Variants in SGCZ observed in about 807,000 individuals in gnomAD.
The protein encoded by SGCZ is zeta-sarcoglycan.
SGCZ carries 40 observed loss-of-function variants against 41.3 expected under a neutral mutation model. The ratio of observed to expected loss-of-function variants is 0.97; its 90% CI spans 0.75 to 1.26. SGCZ has a LOEUF of 1.26. Ranked by LOEUF, SGCZ falls within the 50% of genes most tolerant of loss-of-function variation. The pLI is 0.00. For synonymous variants in SGCZ, 206 were observed against 137.5 expected, an observed-to-expected ratio of 1.50 and a Z score of -3.49; for missense variants, 552 against 369.8, an observed-to-expected ratio of 1.49 and a Z score of -4.04.
At chr8:14,664,247 C>G (rs1382857232) in intron 1 of SGCZ, among the ~76,000 whole-genome samples, 3 of 152,092 alleles carry the variant, frequency 2.0e-5, no homozygotes, top group Non-Finnish European at 4.4e-5. Flanking sequence ...AAGGCTGACT[C>G]AATGACTGAA....
intron 1 of SGCZ, among the ~76,000 whole-genome samples, chr8:14,943,636 A>T (rs547830844): frequency 1.6e-4 from 24 of 152,262 alleles, no homozygotes; most frequent in Admixed American, 2.6e-4. Flanking sequence ...ACTGTGTGTC[A>T]TGGGGGTTTG....
chr8:14,491,516 T>C (rs1218515224), intron 2 of SGCZ, among the ~76,000 whole-genome samples: 1 of 152,194 alleles, frequency 6.6e-6, no homozygotes, highest in Non-Finnish European at 1.5e-5. Context: ...AGAATTTATG[T>C]ACTTTCCAAT....
chr8:14,114,814 T>C (rs916026745), intron 5 of SGCZ, among the ~76,000 whole-genome samples: 7 of 152,022 alleles, frequency 4.6e-5, no homozygotes, highest in Admixed American at 2.6e-4. Flanking sequence ...CAAGAAGTTA[T>C]GTTTTACTAG....
At chr8:14,106,676 A>G (rs1183431680) in intron 6 of SGCZ, among the ~76,000 whole-genome samples, 1 of 152,162 alleles carries the variant, frequency 6.6e-6, no homozygotes, top group African/African-American at 2.4e-5. Flanking sequence ...CTAAACAGCA[A>G]TCCTTATGAA....
chr8:14,376,586 A>C (rs1804139761), intron 2 of SGCZ, among the ~76,000 whole-genome samples: 2 of 152,098 alleles, frequency 1.3e-5, no homozygotes, highest in African/African-American at 4.8e-5. Context: ...GACTCTACCC[A>C]ACCTTCAAAA....
At chr8:14,703,055 TC>T (rs940724712) in intron 1 of SGCZ, among the ~76,000 whole-genome samples, 1 of 151,946 alleles carries the variant, frequency 6.6e-6, no homozygotes, top group African/African-American at 2.4e-5. Flanking sequence ...TCCATTATTT[TC>T]CCTCTGGACT....
intron 1 of SGCZ, among the ~76,000 whole-genome samples, chr8:15,096,131 G>A (rs1397829240): frequency 6.6e-6 from 1 of 152,056 alleles, no homozygotes; most frequent in Non-Finnish European, 1.5e-5. Context: ...AGGCTGGAGT[G>A]CAATGATGCA....
intron 1 of SGCZ, among the ~76,000 whole-genome samples, chr8:14,679,375 G>A (rs896906550): frequency 6.6e-6 from 1 of 151,822 alleles, no homozygotes; most frequent in Non-Finnish European, 1.5e-5. Context: ...TGGCCCTGAA[G>A]ACATGTTAGT....
chr8:14,838,140 A>C (rs929676046), intron 1 of SGCZ, among the ~76,000 whole-genome samples: 6 of 152,164 alleles, frequency 3.9e-5, no homozygotes, highest in Non-Finnish European at 7.4e-5. Context: ...GAGAGAGTAG[A>C]ATGATGGTTA....
intron 1 of SGCZ, among the ~76,000 whole-genome samples, chr8:14,783,298 G>C (rs528188584): frequency 4.6e-5 from 7 of 152,252 alleles, no homozygotes; most frequent in African/African-American, 1.7e-4. Flanking sequence ...ACTGGGCATG[G>C]TGCTGAGTGC....
At chr8:15,102,694 C>G (rs935341360) in intron 1 of SGCZ, among the ~76,000 whole-genome samples, 5 of 152,106 alleles carry the variant, frequency 3.3e-5, no homozygotes, top group Non-Finnish European at 7.4e-5. Flanking sequence ...CCAAAATATT[C>G]TATTGTAAAA....
intron 1 of SGCZ, among the ~76,000 whole-genome samples, chr8:14,561,163 C>A (rs1209321332): frequency 2.0e-5 from 3 of 152,128 alleles, no homozygotes; most frequent in Non-Finnish European, 4.4e-5. Context: ...ATTATGCAAA[C>A]TATCCTCCAT....
At position 14,108,173 on chromosome 8, in the gene SGCZ, G is replaced by C; in HGVS notation, c.610C>G (p.Gln204Glu). 6.2e-7 allele frequency: 1 copy of C among 1,614,038 alleles called. No homozygotes were observed. Among genetic ancestry groups the C allele is most frequent in the Non-Finnish European group, 8.5e-7 (1 of 1,179,968 alleles). ...AGAGGAAGCCCTTACCTGAGATCTT[G>C]GGATGGCTCTGCTCTGATGTGCGGC... ...ETPHIRAEPS[Q>E]DLRLESPTRS... Residue 204 changes from glutamine to glutamate, a missense_variant, in exon 6 of 8, where the codon CAA becomes GAA. Gln to Glu is a conservative substitution (Grantham distance 29, BLOSUM62 2). Transcript: ENST00000382080.
chr8:14,604,592 C>A (rs974220768), intron 1 of SGCZ, among the ~76,000 whole-genome samples: 1 of 151,966 alleles, frequency 6.6e-6, no homozygotes, highest in Non-Finnish European at 1.5e-5. Context: ...GATAATTGCC[C>A]TATAAAAGGA....
intron 2 of SGCZ, among the ~76,000 whole-genome samples, chr8:14,356,412 T>G (rs17119179): frequency 6.6e-6 from 1 of 152,108 alleles, no homozygotes; most frequent in South Asian, 2.1e-4. Flanking sequence ...AGAGAAAAAC[T>G]ACAGAGAAAA....
chr8:15,035,992 A>T (rs1803860266), intron 1 of SGCZ, among the ~76,000 whole-genome samples: 1 of 152,112 alleles, frequency 6.6e-6, no homozygotes, highest in African/African-American at 2.4e-5. Flanking sequence ...ACAACATTAA[A>T]GATCAGAGCA....
chr8:14,114,966 T>C lies in SGCZ; in HGVS notation c.548-6731A>G, dbSNP rs1309496473. Among the ~76,000 whole-genome samples the C allele has an allele frequency of 2.6e-5, 4 of 152,090 alleles. No homozygotes were observed. The East Asian group carries it at 5.8e-4, about 22-fold the overall frequency. ...AAAAAGAAAATAAATTATTTCCAAA[T>C]TGAATGAATATGTGGTTTGATGGAA... On this transcript the variant is annotated intron_variant, in intron 5 of 7. Transcript: ENST00000382080.
chr8:14,204,371 G>A (rs1250850148), intron 4 of SGCZ, among the ~76,000 whole-genome samples: 1 of 150,514 alleles, frequency 6.6e-6, no homozygotes, highest in African/African-American at 2.5e-5. Flanking sequence ...GCGACATTCT[G>A]TCTTTTCCCT....
At chr8:15,075,561 G>A (rs1024902913) in intron 1 of SGCZ, among the ~76,000 whole-genome samples, 3 of 152,154 alleles carry the variant, frequency 2.0e-5, no homozygotes, top group African/African-American at 7.2e-5. Context: ...AGGACTTTGA[G>A]TAATGTGACC....
Sources: gnomAD v4.1 joint callset for allele counts (sites outside exome capture counted in the v4.1 genomes callset) on GRCh38, gnomAD v4.1.1 for gene constraint, MANE v1.5 for transcripts, NCBI Gene and HGNC (gene_info 2026-07-23, HGNC 2026-07-21) for gene names.